The following AGMO variants were observed in gnomAD, a reference collection of about 807,000 sequenced individuals.
The protein encoded by AGMO is glyceryl-ether monooxygenase.
A neutral mutation model predicts 60.2 loss-of-function variants in AGMO; 75 were observed. That is an observed-to-expected ratio of 1.25 (90% CI 1.03 to 1.51). The LOEUF is 1.51. Ranked by LOEUF, AGMO falls within the 40% of genes most tolerant of loss-of-function variation. The pLI is 0.00. For synonymous variants in AGMO, 261 were observed against 177.1 expected (o/e 1.47, Z -3.76); for missense variants, 763 against 525.5 (o/e 1.45, Z -4.42).
At position 15,561,780 on chromosome 7, in the gene AGMO, C is replaced by G. The variant is rs778448599; in HGVS notation, c.66G>C (p.Thr22=). The G allele has an allele frequency of 1.9e-6, 3 of 1,612,002 alleles. No homozygotes were observed. The South Asian group carries it at 3.3e-5, about 18-fold the overall frequency. Residue 22 remains threonine, a synonymous_variant, in exon 1 of 13, where the codon ACG becomes ACC. Transcript: ENST00000342526. ...VSQGFRMLFY[T]MKPSETSFQT... is the part of the protein sequence containing the mutation. The stretch of plus-strand genomic sequence containing the variant: ...GGAATGAAGTTTCACTGGGTTTCAT[C>G]GTGTAAAACAACATGCGAAATCCCT...
At chr7:15,543,249 T>A (rs1438589004) in intron 3 of AGMO, among the ~76,000 whole-genome samples, 4 of 152,186 alleles carry the variant, frequency 2.6e-5, no homozygotes, top group Non-Finnish European at 5.9e-5. Context: ...TTTGGCATGC[T>A]TTTTTCTCCT....
intron 12 of AGMO, among the ~76,000 whole-genome samples, chr7:15,301,778 T>C (rs1160818834): frequency 1.3e-5 from 2 of 152,152 alleles, no homozygotes; most frequent in African/African-American, 4.8e-5. Flanking sequence ...CATACATCTT[T>C]TTAGAAACAC....
intron 12 of AGMO, among the ~76,000 whole-genome samples, chr7:15,322,755 T>C (rs1331458812): frequency 7.6e-6 from 1 of 131,938 alleles, no homozygotes; most frequent in African/African-American, 2.8e-5. Context: ...TATATATAAA[T>C]ATATATATCA....
intron 12 of AGMO, among the ~76,000 whole-genome samples, chr7:15,243,761 C>A (rs1430006890): frequency 1.3e-5 from 2 of 152,030 alleles, no homozygotes; most frequent in African/African-American, 4.8e-5. Flanking sequence ...TTTTTCAAAG[C>A]ACGAAAAATT....
At chr7:15,266,409 AG>A (rs1260337136) in intron 12 of AGMO, among the ~76,000 whole-genome samples, 2 of 152,030 alleles carry the variant, frequency 1.3e-5, no homozygotes, top group African/African-American at 4.8e-5. Context: ...AGCAAAAAAA[AG>A]TAATTTTAAC....
intron 3 of AGMO, among the ~76,000 whole-genome samples, chr7:15,475,340 A>T (rs1304075258): frequency 6.6e-6 from 1 of 152,144 alleles, no homozygotes; most frequent in African/African-American, 2.4e-5. Flanking sequence ...GCACATATAC[A>T]CCATGTAATA....
At chr7:15,255,894 G>A (rs941929133) in intron 12 of AGMO, among the ~76,000 whole-genome samples, 49 of 152,106 alleles carry the variant, frequency 3.2e-4, no homozygotes, top group African/African-American at 1.1e-3. Flanking sequence ...ACAGCAAGAC[G>A]GTTGAAAATA....
At chr7:15,430,978 A>G in intron 4 of AGMO, 27 bp downstream of exon 4, 3 of 1,285,954 alleles carry the variant, frequency 2.3e-6, no homozygotes, top group East Asian at 2.5e-5. Context: ...TTAGATTACC[A>G]TGTTTATTCC....
the AGMO span, among the ~76,000 whole-genome samples, chr7:15,173,298 AT>A: frequency 3.3e-5 from 5 of 152,164 alleles, no homozygotes; most frequent in Non-Finnish European, 5.9e-5. Context: ...GGACATTCCT[AT>A]TTCTTGAAAA....
chr7:15,429,294 T>C (rs963232047), intron 4 of AGMO, among the ~76,000 whole-genome samples: 2 of 152,072 alleles, frequency 1.3e-5, no homozygotes, highest in Non-Finnish European at 2.9e-5. Context: ...TTAGTTAAGA[T>C]TATTAACTTA....
intron 12 of AGMO, among the ~76,000 whole-genome samples, chr7:15,241,486 A>AAAG (rs1782587541): frequency 6.8e-6 from 1 of 146,856 alleles, no homozygotes; most frequent in Admixed American, 7.0e-5. Flanking sequence ...AAAAAAAAAA[A>AAAG]AAGACTAGGG....
chr7:15,507,233 A>C lies in AGMO; in HGVS notation c.409+37539T>G, dbSNP rs865776239. On this transcript the variant is annotated intron_variant, in intron 3 of 12. Coordinates refer to ENST00000342526, the MANE Select transcript of AGMO (RefSeq NM_001004320.2). ...TTCTCAGTGGAATCTACTAAAGAAC[A>C]AGCTTCAGAAAGCCACAATGACTGG... is the stretch of plus-strand genomic sequence containing the variant. 2.6e-5 allele frequency among the ~76,000 whole-genome samples: 4 copies of C among 152,110 alleles called. No individual in the cohort carries two copies. The South Asian group carries it at 8.3e-4, about 31-fold the overall frequency.
chr7:15,325,629 G>A lies in AGMO; in HGVS notation c.1263+39885C>T, dbSNP rs59313925. 7.2e-3 allele frequency among the ~76,000 whole-genome samples: 1,094 copies of A among 152,006 alleles called. 10 individuals are homozygous for A. The highest frequency in any genetic ancestry group is 0.025 in the African/African-American group (1,041 of 41,504). On this transcript the variant is annotated intron_variant, in intron 12 of 12. Coordinates refer to ENST00000342526, the MANE Select transcript of AGMO (RefSeq NM_001004320.2). Reference sequence around the variant, plus strand: ...ATCAAAAAGGAAAATGGTTGAAACAGAAAAAATAACTCAAAACTTTAAAAG... The same window carrying A: ...ATCAAAAAGGAAAATGGTTGAAACAAAAAAAATAACTCAAAACTTTAAAAG...
chr7:15,287,678 A>C (rs960490241), intron 12 of AGMO, among the ~76,000 whole-genome samples: 1 of 152,208 alleles, frequency 6.6e-6, no homozygotes. Context: ...ACATATTTAA[A>C]ACTACTTACA....
At chr7:15,306,571 TAA>T (rs5882493) in intron 12 of AGMO, 122 of 372,646 alleles carry the variant, frequency 3.3e-4, no homozygotes, top group East Asian at 6.8e-4. Context: ...TATGACTGTG[TAA>T]AAAAAAAAAA....
At chr7:15,542,545 A>G (rs1048774794) in intron 3 of AGMO, among the ~76,000 whole-genome samples, 11 of 152,164 alleles carry the variant, frequency 7.2e-5, no homozygotes, top group African/African-American at 2.4e-4. Context: ...AGATTTCCCA[A>G]ATAAACACAT....
At chr7:15,172,711 AG>A in the AGMO span, among the ~76,000 whole-genome samples, 179 of 152,224 alleles carry the variant, frequency 1.2e-3, 2 homozygotes, top group South Asian at 6.0e-3. Context: ...CAGAGGTGTG[AG>A]GAAGAATTAT....
At chr7:15,346,506 T>C (rs1782037250) in intron 12 of AGMO, among the ~76,000 whole-genome samples, 1 of 152,014 alleles carries the variant, frequency 6.6e-6, no homozygotes, top group Non-Finnish European at 1.5e-5. Context: ...TTTTAATTGA[T>C]ATTTATTTTC....
intron 3 of AGMO, among the ~76,000 whole-genome samples, chr7:15,492,378 A>G (rs1160987559): frequency 7.0e-6 from 1 of 142,962 alleles, no homozygotes; most frequent in Non-Finnish European, 1.5e-5. Flanking sequence ...AAAAAAAAAC[A>G]TTAATAATAA....
Sources: gnomAD v4.1 joint callset for allele counts (sites outside exome capture counted in the v4.1 genomes callset) on GRCh38, gnomAD v4.1.1 for gene constraint, MANE v1.5 for transcripts, NCBI Gene and HGNC (gene_info 2026-07-23, HGNC 2026-07-21) for gene names.